Variants in AP1M2 observed in about 807,000 individuals in gnomAD.
The protein encoded by AP1M2 is AP-1 complex subunit mu-2.
AP1M2 carries 41 observed loss-of-function variants against 54.6 expected under a neutral mutation model. That is an observed-to-expected ratio of 0.75 (90% confidence interval 0.59 to 0.97). AP1M2 has a LOEUF of 0.97. Ranked by LOEUF, AP1M2 falls within the 50% of genes least tolerant of loss-of-function variation. The pLI is 0.00. For synonymous variants in AP1M2, 219 were observed against 215.9 expected, an observed-to-expected ratio of 1.01 and a Z score of -0.13; for missense variants, 507 against 561.2, an observed-to-expected ratio of 0.90 and a Z score of 0.98.
chr19:10,574,864 C>T (rs368878874), intron 10 of AP1M2, 40 bp downstream of exon 10: 250 of 1,570,322 alleles, frequency 1.6e-4, no homozygotes, highest in Middle Eastern at 4.4e-4. Context: ...GGGAACCCAC[C>T]GAAGTCAAGG....
At position 10,584,077 on chromosome 19, in the gene AP1M2, G is replaced by A. The variant is rs1474614614; in HGVS notation, c.43-7C>T. ...AGTTGCGGCTGATCAATGGCTGAGG[G>A]TGGAAGGAAAGGACCTGGTCACCAC... On this transcript the variant is annotated splice_polypyrimidine_tract_variant and splice_region_variant and intron_variant, in intron 1 of 11. Coordinates refer to ENST00000250244, the MANE Select transcript of AP1M2 (RefSeq NM_005498.5). The A allele has an allele frequency of 1.2e-6, 2 of 1,607,190 alleles. No homozygotes were observed. The highest frequency in any genetic ancestry group is 4.5e-5 in the East Asian group (2 of 44,720).
intron 9 of AP1M2, among the ~76,000 whole-genome samples, chr19:10,575,512 A>G (rs2144754457): frequency 6.6e-6 from 1 of 152,232 alleles, no homozygotes; most frequent in Middle Eastern, 3.4e-3. Flanking sequence ...TTTCACAGAC[A>G]GGCAAACTGA....
At chr19:10,575,867 C>T (rs1025915073) in intron 9 of AP1M2, among the ~76,000 whole-genome samples, 8 of 142,612 alleles carry the variant, frequency 5.6e-5, no homozygotes, top group Non-Finnish European at 4.6e-5. Flanking sequence ...CCCAGGTTCA[C>T]GCCATTCTCC....
At chr19:10,583,733 C>T in intron 2 of AP1M2, 60 bp from the exon 3 acceptor site, 1 of 1,548,904 alleles carries the variant, frequency 6.5e-7, no homozygotes, top group Non-Finnish European at 8.9e-7. Context: ...GAATACAGAC[C>T]CCGAACCTCC....
chr19:10,574,327 G>T, intron 11 of AP1M2, 90 bp downstream of exon 11: 1 of 1,141,168 alleles, frequency 8.8e-7, no homozygotes, highest in Non-Finnish European at 1.2e-6. Flanking sequence ...ACCCTTGTTG[G>T]TTTTCTGAGC....
In AP1M2 at chr19:10,574,451, G is replaced by T; in HGVS notation, c.1215C>A (p.Ala405=). 10 of 1,563,680 alleles carry T rather than the reference G, an allele frequency of 6.4e-6. No homozygotes were observed. Among genetic ancestry groups the T allele is most frequent in the Non-Finnish European group, 8.7e-6 (10 of 1,154,276 alleles). ...MKIIEKSGYQ[A]LPWVRYITQS... ...GGGTGATGTAGCGAACCCAGGGCAGGGCCTGGTAACCACTTTTCTCAATGA... is the reference window on the plus strand; with the variant it reads ...GGGTGATGTAGCGAACCCAGGGCAGTGCCTGGTAACCACTTTTCTCAATGA... The change falls in exon 11 of 12, where the codon GCC becomes GCA. Residue 405 remains alanine, a synonymous_variant. Transcript: ENST00000250244.
intron 9 of AP1M2, among the ~76,000 whole-genome samples, chr19:10,575,911 G>C (rs190804072): frequency 0.016 from 2,305 of 144,692 alleles, 53 homozygotes; most frequent in African/African-American, 0.055. Flanking sequence ...GACTACAGGC[G>C]CCCGCCACCA....
At chr19:10,574,590 A>G (rs1348069542) in intron 10 of AP1M2, 98 bp from the exon 11 acceptor site, 1 of 1,078,722 alleles carries the variant, frequency 9.3e-7, no homozygotes, top group Non-Finnish European at 1.3e-6. Flanking sequence ...TATGTGGCAC[A>G]GGCTGGGATC....
chr19:10,577,875 T>A (rs1345537015), intron 8 of AP1M2, among the ~76,000 whole-genome samples: 1 of 152,018 alleles, frequency 6.6e-6, no homozygotes, highest in Non-Finnish European at 1.5e-5. Flanking sequence ...TAGGTGGGAT[T>A]ACAGGCATGT....
In AP1M2 at chr19:10,574,437, C is replaced by A; in HGVS notation, c.1229G>T (p.Arg410Leu). 1 of 1,560,152 alleles carries A rather than the reference C, an allele frequency of 6.4e-7. No homozygotes were observed. Among genetic ancestry groups the A allele is most frequent in the Non-Finnish European group, 8.7e-7 (1 of 1,152,354 alleles). The change falls in exon 11 of 12, where the codon CGC becomes CTC. Residue 410 changes from arginine to leucine, a missense_variant. Physicochemically the swap from Arg to Leu is moderately radical, Grantham distance 102. Transcript: ENST00000250244. ...KSGYQALPWV[R>L]YITQSGDYQL... ...CTTACCGCCACTCTGGGTGATGTAG[C>A]GAACCCAGGGCAGGGCCTGGTAACC...
intron 3 of AP1M2, 125 bp from the exon 4 acceptor site, chr19:10,582,003 A>T: frequency 5.5e-6 from 6 of 1,099,514 alleles, no homozygotes; most frequent in Non-Finnish European, 7.6e-6. Flanking sequence ...CATGAGTTCA[A>T]GACCAGCCTG....
At position 10,583,981 on chromosome 19, in the gene AP1M2, G is replaced by A. The variant is rs545593839; in HGVS notation, c.132C>T (p.Gly44=). The A allele has an allele frequency of 2.9e-5, 47 of 1,605,776 alleles. No individual in the cohort carries two copies. The Admixed American group carries it at 4.4e-4, about 15-fold the overall frequency. The change falls in exon 2 of 12, where the codon GGC becomes GGT. Residue 44 remains glycine, a synonymous_variant. Coordinates refer to ENST00000250244, the MANE Select transcript of AP1M2 (RefSeq NM_005498.5). ...CGTGGCTCAGCAGCGGGGCCAGGGCGCCTTCCTCCTCCCGCTGTACCAGCA... is the reference window on the plus strand; with the variant it reads ...CGTGGCTCAGCAGCGGGGCCAGGGCACCTTCCTCCTCCCGCTGTACCAGCA... ...MPLLVQREEE[G]ALAPLLSHGQ...
rs767681090 is a variant in AP1M2, at chr19:10,581,353, C to T, written c.586G>A (p.Gly196Ser). ...NGSVLLSEIV[G>S]TIKLKVFLSG... is the part of the protein sequence containing the mutation. ...AGAAACACCTTGAGCTTGATGGTAC[C>T]GACGATTTCGCTCAGAAGGACGCTG... is the stretch of plus-strand genomic sequence containing the variant. Residue 196 changes from glycine (G) to serine (S), a missense_variant, in exon 6 of 12, where the codon GGT (glycine) becomes AGT (serine). By Grantham distance (56) the Gly-to-Ser change is moderately conservative. Coordinates refer to ENST00000250244, the MANE Select transcript of AP1M2 (RefSeq NM_005498.5). 37 of 1,613,310 alleles carry T rather than the reference C, an allele frequency of 2.3e-5. No homozygotes were observed. In the East Asian group the frequency reaches 2.7e-4, roughly 12 times the overall value.
rs1917341259 is a variant in AP1M2 at position 10,579,016 on chromosome 19, T to G, written c.817-53A>C. ...TGGAGACTCCATGTTGACTCTCTTC[T>G]TTTTTTTTTTTTTTTTTTCTTTCTT... On this transcript the variant is annotated intron_variant, in intron 7 of 11. Transcript: ENST00000250244. 16 of 187,640 alleles carry G rather than the reference T, an allele frequency of 8.5e-5. No individual in the cohort carries two copies. In the Admixed American group the frequency reaches 2.4e-3, roughly 28 times the overall value. 11.6% of individuals were successfully genotyped at this position (187,640 alleles called of 1,614,324 possible).
intron 9 of AP1M2, among the ~76,000 whole-genome samples, chr19:10,576,829 C>T (rs2144756823): frequency 6.6e-6 from 1 of 152,064 alleles, no homozygotes; most frequent in East Asian, 1.9e-4. Flanking sequence ...GCCTCAGTGT[C>T]CCGAGTGGCT....
chr19:10,577,161 T>C (rs758650740), intron 9 of AP1M2, 37 bp downstream of exon 9: 5 of 1,401,034 alleles, frequency 3.6e-6, no homozygotes, highest in Admixed American at 1.9e-5. Context: ...TCCAGTCCCC[T>C]CCACCCCCAG....
intron 9 of AP1M2, among the ~76,000 whole-genome samples, chr19:10,576,122 C>T (rs1328041962): frequency 1.5e-5 from 2 of 136,424 alleles, no homozygotes; most frequent in Non-Finnish European, 1.6e-5. Flanking sequence ...GACAGAGTTT[C>T]ACTCTGTCAC....
Position 10,583,939 on chromosome 19 carries a change from T to C in AP1M2, c.174A>G (p.Leu58=), listed in dbSNP as rs369904858. Residue 58 remains leucine (L), a synonymous_variant, in exon 2 of 12, where the codon CTA becomes CTG. Coordinates refer to ENST00000250244, the MANE Select transcript of AP1M2 (RefSeq NM_005498.5). ...AGTAGAGGTTGCTGTGTTTGATCCATAGGAAGTGGACCTGGCCGTGGCTCA... is the reference window on the plus strand; with the variant it reads ...AGTAGAGGTTGCTGTGTTTGATCCACAGGAAGTGGACCTGGCCGTGGCTCA... ...PLLSHGQVHF[L]WIKHSNLYLV... 121 of 1,601,466 alleles carry C rather than the reference T, an allele frequency of 7.6e-5. No homozygotes were observed. The African/African-American group carries it at 1.2e-3, about 16-fold the overall frequency.
rs1384532311 is a variant in AP1M2, at chr19:10,581,483, T to TCAC, written c.546+1_546+3dup. The TCAC allele has an allele frequency of 3.7e-6, 6 of 1,613,622 alleles. No individual in the cohort carries two copies. ...AGGGGTGCCGGGGAGGTGTGCAGGC[T>TCAC]CACCAGCAGGTTGACAGACTCTATG... is the stretch of plus-strand genomic sequence containing the variant. On this transcript the variant is annotated splice_donor_region_variant and intron_variant, in intron 5 of 11. Coordinates refer to ENST00000250244, the MANE Select transcript of AP1M2 (RefSeq NM_005498.5).
Sources: allele counts gnomAD v4.1 joint callset (sites outside exome capture counted in the v4.1 genomes callset), GRCh38; gene constraint gnomAD v4.1.1; transcripts MANE v1.5; gene names NCBI Gene and HGNC (gene_info 2026-07-23, HGNC 2026-07-21).